LRP5: variants seen among roughly 807,000 people sequenced by gnomAD.
LRP5 encodes low-density lipoprotein receptor-related protein 5.
A neutral mutation model predicts 154.1 loss-of-function variants in LRP5; 62 were observed. The ratio of observed to expected loss-of-function variants is 0.40; its 90% CI spans 0.33 to 0.50. The LOEUF is 0.50. Among genes scored for constraint, LRP5 ranks in the 20% least tolerant of loss-of-function variants. The pLI, the probability that LRP5 is intolerant of heterozygous loss-of-function variation, is 0.55. For missense variants in LRP5, 1,915 were observed against 2,336.7 expected (o/e 0.82, Z 3.72); for synonymous variants, 966 against 1,011.5 (o/e 0.96, Z 0.85).
chr11:68,314,514 C>T (rs1343595105), intron 1 of LRP5, among the ~76,000 whole-genome samples: 1 of 152,242 alleles, frequency 6.6e-6, no homozygotes, highest in Non-Finnish European at 1.5e-5. Context: ...ATACATGCCT[C>T]GGACCTCAGC....
At chr11:68,433,293 AGC>A (rs2098672966) in intron 17 of LRP5, among the ~76,000 whole-genome samples, 1 of 152,210 alleles carries the variant, frequency 6.6e-6, no homozygotes, top group Non-Finnish European at 1.5e-5. Flanking sequence ...TATTTGGTGT[AGC>A]GCCTGCTGCT....
chr11:68,352,634 G>A (rs1478305104), intron 2 of LRP5, among the ~76,000 whole-genome samples: 1 of 152,044 alleles, frequency 6.6e-6, no homozygotes, highest in African/African-American at 2.4e-5. Context: ...TTGGTACTTT[G>A]TTAGGAGGTG....
At chr11:68,387,732 G>A (rs80142879) in intron 6 of LRP5, among the ~76,000 whole-genome samples, 2,326 of 152,336 alleles carry the variant, frequency 0.015, 25 homozygotes, top group Middle Eastern at 0.031. Flanking sequence ...AACCCTGATG[G>A]AGGAGGCGCA....
At chr11:68,376,321 A>G (rs1387783191) in intron 5 of LRP5, among the ~76,000 whole-genome samples, 1 of 151,936 alleles carries the variant, frequency 6.6e-6, no homozygotes, top group Non-Finnish European at 1.5e-5. Context: ...AGCTTGGACT[A>G]TAGGCACCCG....
In LRP5 at chr11:68,386,739, G is replaced by T; in HGVS notation, c.1412+27G>T. 6.2e-7 allele frequency: 1 copy of T among 1,606,030 alleles called. No homozygotes were observed. Among genetic ancestry groups the T allele is most frequent in the Non-Finnish European group, 8.5e-7 (1 of 1,176,334 alleles). On this transcript the variant is annotated intron_variant, in intron 6 of 22. Transcript: ENST00000294304. The surrounding 1 kb of genome is among the most constrained non-coding windows in gnomAD (Gnocchi z 7.9). ...TAAGACGGGCGGGGGCTGGGGCCTG[G>T]AGCCAGGGCCAGGCCAAGCACAGGC... is the stretch of plus-strand genomic sequence containing the variant.
the LRP5 span, among the ~76,000 whole-genome samples, chr11:68,307,480 T>A: frequency 6.6e-6 from 1 of 151,920 alleles, no homozygotes; most frequent in Non-Finnish European, 1.5e-5. Context: ...GCCTGGGCAA[T>A]ATAGTGAAAC....
At chr11:68,301,733 C>T in the LRP5 span, among the ~76,000 whole-genome samples, 2 of 146,562 alleles carry the variant, frequency 1.4e-5, no homozygotes, top group East Asian at 2.0e-4. Context: ...CACCATTCTT[C>T]TCCTGCCTCA....
chr11:68,398,897 G>A (rs566357248), intron 7 of LRP5, among the ~76,000 whole-genome samples: 44 of 152,192 alleles, frequency 2.9e-4, no homozygotes, highest in African/African-American at 1.0e-3. Flanking sequence ...ACCAAGCCCG[G>A]CTAATTTTTT....
intron 1 of LRP5, among the ~76,000 whole-genome samples, chr11:68,319,392 G>A (rs1377083554): frequency 1.3e-5 from 2 of 151,964 alleles, no homozygotes; most frequent in Non-Finnish European, 2.9e-5. Context: ...TTTAAAATTT[G>A]TCGTTGAGAT....
At chr11:68,305,554 T>C in the LRP5 span, among the ~76,000 whole-genome samples, 1 of 152,204 alleles carries the variant, frequency 6.6e-6, no homozygotes, top group African/African-American at 2.4e-5. Flanking sequence ...GTGATTCTCC[T>C]GCCTCAGCCT....
chr11:68,437,724 C>G (rs187961392), intron 19 of LRP5, among the ~76,000 whole-genome samples: 87 of 152,332 alleles, frequency 5.7e-4, no homozygotes, highest in African/African-American at 2.0e-3. Context: ...CCTTTGGCAC[C>G]TTCGTGCCAG....
At chr11:68,351,492 C>A (rs1166030335) in intron 2 of LRP5, among the ~76,000 whole-genome samples, 1 of 152,174 alleles carries the variant, frequency 6.6e-6, no homozygotes, top group Non-Finnish European at 1.5e-5. Flanking sequence ...CTGAAGATAG[C>A]AGCTTGCTAG....
chr11:68,357,816 A>G lies in LRP5; in HGVS notation c.655A>G (p.Ile219Val). Residue 219 changes from isoleucine (I) to valine (V), a missense_variant, in exon 3 of 23, where the codon ATC (isoleucine) becomes GTC (valine). By Grantham distance (29) the Ile-to-Val change is conservative (BLOSUM62 3). Coordinates refer to ENST00000294304, the MANE Select transcript of LRP5 (RefSeq NM_002335.4). Reference sequence around the variant, plus strand: ...CTGGGCTGACGCCAAGCTCAGCTTCATCCACCGTGCCAACCTGGACGGCTC... The same window carrying G: ...CTGGGCTGACGCCAAGCTCAGCTTCGTCCACCGTGCCAACCTGGACGGCTC... ...LYWADAKLSF[I>V]HRANLDGSFR... The G allele has an allele frequency of 6.2e-7, 1 of 1,613,702 alleles. No homozygotes were observed. Among genetic ancestry groups the G allele is most frequent in the Non-Finnish European group, 8.5e-7 (1 of 1,179,828 alleles).
intron 17 of LRP5, among the ~76,000 whole-genome samples, chr11:68,433,341 C>A (rs1180903182): frequency 6.6e-6 from 1 of 152,252 alleles, no homozygotes; most frequent in Non-Finnish European, 1.5e-5. Flanking sequence ...CCTTTCCCTT[C>A]TGCATTGAAA....
At chr11:68,366,302 T>C (rs1305228583) in intron 5 of LRP5, among the ~76,000 whole-genome samples, 1 of 151,922 alleles carries the variant, frequency 6.6e-6, no homozygotes, top group Non-Finnish European at 1.5e-5. Context: ...CCTGTGCCGG[T>C]GTCCCACTCG....
intron 6 of LRP5, 58 bp from the exon 7 acceptor site, chr11:68,389,823 G>A: frequency 6.3e-7 from 1 of 1,594,266 alleles, no homozygotes; most frequent in Non-Finnish European, 8.6e-7. Context: ...CTTGGCACTG[G>A]GGATGCTGCA....
At position 68,429,667 on chromosome 11, in the gene LRP5, C is replaced by A. The variant is rs1197345019; in HGVS notation, c.3730C>A (p.Leu1244Ile). 1 of 1,614,172 alleles carries A rather than the reference C, an allele frequency of 6.2e-7. No homozygotes were observed. Among genetic ancestry groups the A allele is most frequent in the South Asian group, 1.1e-5 (1 of 91,086 alleles). ...GTPRCSCPVH[L>I]VLLQNLLTCG... is the part of the protein sequence containing the mutation. ...ACCACGGTGCTCATGCCCAGTCCAC[C>A]TCGTGCTCCTGCAGAACCTGCTGAC... The change falls in exon 17 of 23, where the codon CTC (leucine) becomes ATC (isoleucine). Residue 1244 changes from leucine to isoleucine, a missense_variant. Leu to Ile is a conservative substitution (Grantham distance 5). Around this residue, in one of 3 missense-constraint regions of LRP5, gnomAD observed 1,094 missense variants for 1,210.1 expected, o/e 0.90. Transcript: ENST00000294304.
rs61598913 is a variant in LRP5, at chr11:68,398,139, T to G, written c.1585-5344T>G. Among the ~76,000 whole-genome samples, 1,069 of 152,314 alleles carry G rather than the reference T, an allele frequency of 7.0e-3. 13 individuals are homozygous for G. Among genetic ancestry groups the G allele is most frequent in the African/African-American group, 0.024 (984 of 41,572 alleles). ...TCCCTCAGACAACAGAACTCTCCCC[T>G]TTAAACACGTGCTGTCAGAGGGTGG... On this transcript the variant is annotated intron_variant, in intron 7 of 22. Coordinates refer to ENST00000294304, the MANE Select transcript of LRP5 (RefSeq NM_002335.4).
chr11:68,334,265 T>C (rs764470841), intron 1 of LRP5, among the ~76,000 whole-genome samples: 1 of 151,818 alleles, frequency 6.6e-6, no homozygotes, highest in Non-Finnish European at 1.5e-5. Context: ...AGAAGCAGCA[T>C]GTCGAGGGTG....
Sources: gnomAD v4.1 joint callset for allele counts (sites outside exome capture counted in the v4.1 genomes callset) on GRCh38, gnomAD v4.1.1 for gene constraint, gnomAD v4.1.1 regional missense constraint, Gnocchi (gnomAD v3.1) non-coding constraint, MANE v1.5 for transcripts, NCBI Gene and HGNC (gene_info 2026-07-23, HGNC 2026-07-21) for gene names.